The following SGCD variants were observed in gnomAD, a reference collection of about 807,000 sequenced individuals.
The protein encoded by SGCD is delta-sarcoglycan.
In SGCD, 18 loss-of-function variants were observed where a neutral mutation model predicts 36.6. That is an observed-to-expected ratio of 0.49 (90% CI 0.34 to 0.73). The LOEUF (loss-of-function observed/expected upper bound fraction) is 0.73, where lower values mean the gene tolerates loss of function less well. SGCD is among the 30% of genes least tolerant of loss of function. The pLI is 0.01. For synonymous variants in SGCD, 133 were observed against 130.6 expected, an observed-to-expected ratio of 1.02 and a Z score of -0.12; for missense variants, 387 against 346.7, an observed-to-expected ratio of 1.12 and a Z score of -0.92.
At chr5:156,033,871 A>G (rs1413504344) in intron 1 of SGCD, among the ~76,000 whole-genome samples, 1 of 152,190 alleles carries the variant, frequency 6.6e-6, no homozygotes, top group Non-Finnish European at 1.5e-5. Context: ...TTACTGGCTC[A>G]CATTGCCCAT....
At chr5:156,524,817 A>C (rs376697490) in intron 4 of SGCD, among the ~76,000 whole-genome samples, 2 of 152,084 alleles carry the variant, frequency 1.3e-5, no homozygotes, top group Non-Finnish European at 2.9e-5. Context: ...AATTCTACAT[A>C]AAAGTGAGAC....
At chr5:156,458,715 G>C (rs1211611092) in intron 3 of SGCD, among the ~76,000 whole-genome samples, 5 of 152,182 alleles carry the variant, frequency 3.3e-5, no homozygotes, top group Non-Finnish European at 5.9e-5. Context: ...GCTCACTCAT[G>C]ATCATCATCA....
chr5:156,559,225 C>T (rs773514645), intron 4 of SGCD, among the ~76,000 whole-genome samples: 2 of 152,268 alleles, frequency 1.3e-5, no homozygotes, highest in African/African-American at 2.4e-5. Flanking sequence ...GCCCCTGGCT[C>T]TCTCAGACTG....
Position 156,069,765 on chromosome 5 carries a change from G to A in SGCD, c.-281-48113G>A, listed in dbSNP as rs539124639. On this transcript the variant is annotated intron_variant, in intron 1 of 9. Coordinates refer to the SGCD transcript ENST00000517913. Reference sequence around the variant, plus strand: ...TTCTTCCTACCCATAAGCATGGAATGAAAATGTTCTTCCATTTGTTTGTAT... The same window carrying A: ...TTCTTCCTACCCATAAGCATGGAATAAAAATGTTCTTCCATTTGTTTGTAT... 1.7e-4 allele frequency among the ~76,000 whole-genome samples: 16 copies of A among 92,426 alleles called. 1 individual carries two copies. In the South Asian group the frequency reaches 3.6e-3, roughly 21 times the overall value. 60.6% of individuals were successfully genotyped at this position (92,426 alleles called of 152,430 possible).
intron 3 of SGCD, among the ~76,000 whole-genome samples, chr5:156,196,746 A>G (rs1210077132): frequency 6.6e-6 from 1 of 152,206 alleles, no homozygotes; most frequent in Non-Finnish European, 1.5e-5. Context: ...CTAGAAATAT[A>G]TTATTAAAGA....
chr5:156,546,051 A>T (rs757129087), intron 4 of SGCD, among the ~76,000 whole-genome samples: 94 of 152,310 alleles, frequency 6.2e-4, no homozygotes, highest in South Asian at 1.5e-3. Context: ...TGAGGGACAC[A>T]CATTTGGAAA....
At chr5:156,179,565 A>G (rs879779208) in intron 3 of SGCD, among the ~76,000 whole-genome samples, 2 of 150,856 alleles carry the variant, frequency 1.3e-5, no homozygotes, top group Non-Finnish European at 3.0e-5. Flanking sequence ...CTCCATATAG[A>G]TTGTGTAATA....
intron 6 of SGCD, among the ~76,000 whole-genome samples, chr5:156,605,896 GT>G (rs1325929495): frequency 2.0e-5 from 3 of 152,074 alleles, no homozygotes; most frequent in African/African-American, 7.2e-5. Flanking sequence ...TGATGGGGTT[GT>G]TTTTTTCTCG....
At chr5:156,298,469 T>A (rs1029336803) in intron 3 of SGCD, among the ~76,000 whole-genome samples, 3 of 152,130 alleles carry the variant, frequency 2.0e-5, no homozygotes, top group African/African-American at 7.2e-5. Flanking sequence ...CTAACTGGGA[T>A]GAGATGATAT....
chr5:155,815,758 G>T, the SGCD span, among the ~76,000 whole-genome samples: 1 of 152,096 alleles, frequency 6.6e-6, no homozygotes, highest in African/African-American at 2.4e-5. Flanking sequence ...TAGCAAGGGG[G>T]AAGACTGCCC....
chr5:156,265,690 A>G (rs1387388105), intron 3 of SGCD, among the ~76,000 whole-genome samples: 1 of 151,666 alleles, frequency 6.6e-6, no homozygotes, highest in Non-Finnish European at 1.5e-5. Flanking sequence ...AGTGTGTTAT[A>G]TATTCTCAAA....
At chr5:156,530,608 G>A (rs1238086285) in intron 4 of SGCD, among the ~76,000 whole-genome samples, 3 of 144,204 alleles carry the variant, frequency 2.1e-5, no homozygotes, top group Admixed American at 7.1e-5. Context: ...CAGATGGAGT[G>A]TTGCTCTGTT....
At chr5:155,749,461 T>C in the SGCD span, among the ~76,000 whole-genome samples, 2 of 152,380 alleles carry the variant, frequency 1.3e-5, no homozygotes, top group South Asian at 4.1e-4. Flanking sequence ...ATGTATATCC[T>C]TGTCAAGCAT....
In SGCD at chr5:156,759,816, G is replaced by A. The variant is rs966768608; in HGVS notation, c.*426G>A. On this transcript the variant is annotated 3_prime_UTR_variant, in exon 9 of 9. Transcript: ENST00000337851. Reference sequence around the variant, plus strand: ...ATATCTTCTCTTTTAGTGTCATTACGAGGGAGTGATGGCGGGAATCTCAGT... The same window carrying A: ...ATATCTTCTCTTTTAGTGTCATTACAAGGGAGTGATGGCGGGAATCTCAGT... The A allele has an allele frequency of 6.6e-6, 1 of 152,036 alleles. No individual in the cohort carries two copies. Among genetic ancestry groups the A allele is most frequent in the Non-Finnish European group, 1.5e-5 (1 of 68,030 alleles). The allele number at this position is 152,036 out of a possible 1,614,324, so 9.4% of individuals were successfully genotyped here. A position where few individuals can be genotyped will look rare whatever the true frequency, so the allele number is the denominator to read the frequency against.
chr5:156,356,224 G>A (rs4235723), intron 3 of SGCD, among the ~76,000 whole-genome samples: 61,911 of 152,008 alleles, frequency 0.41, 13,444 homozygotes, highest in East Asian at 0.79. Context: ...GCAGAGCTCA[G>A]GGGAGATGGC....
At chr5:156,123,526 C>T (rs373145937) in intron 2 of SGCD, among the ~76,000 whole-genome samples, 4 of 152,120 alleles carry the variant, frequency 2.6e-5, no homozygotes, top group Admixed American at 2.0e-4. Flanking sequence ...GCTTGACACA[C>T]GGATTGAACT....
rs564787005 is a variant in SGCD at position 156,372,408 on chromosome 5, G to T, written c.192+27731G>T. ...ATGGGTAGCTTTACTATTCTCACCT[G>T]TAATCTTAGCACTCTCCAGTCCATT... On this transcript the variant is annotated intron_variant, in intron 3 of 8. Transcript: ENST00000337851. Among the ~76,000 whole-genome samples the T allele has an allele frequency of 9.9e-5, 15 of 152,262 alleles. No individual in the cohort carries two copies. The South Asian group carries it at 3.1e-3, about 32-fold the overall frequency.
At chr5:156,017,966 C>A (rs967745911) in intron 1 of SGCD, among the ~76,000 whole-genome samples, 4 of 152,002 alleles carry the variant, frequency 2.6e-5, no homozygotes, top group Non-Finnish European at 5.9e-5. Flanking sequence ...TGAAGACCAG[C>A]CTGGGCACCG....
intron 6 of SGCD, among the ~76,000 whole-genome samples, chr5:156,637,737 A>G (rs1762882766): frequency 6.6e-6 from 1 of 152,192 alleles, no homozygotes. Flanking sequence ...CATGCTGGCC[A>G]TACTGGGGAT....
Sources: allele counts gnomAD v4.1 joint callset (sites outside exome capture counted in the v4.1 genomes callset), GRCh38; gene constraint gnomAD v4.1.1; transcripts MANE v1.5; gene names NCBI Gene and HGNC (gene_info 2026-07-23, HGNC 2026-07-21).